Variants in ACSS3 observed in about 807,000 individuals in gnomAD.
ACSS3 encodes acyl-CoA synthetase short chain family member 3.
ACSS3 carries 64 observed loss-of-function variants against 84.2 expected under a neutral mutation model. That is an observed-to-expected ratio of 0.76 (90% CI 0.62 to 0.94). The LOEUF (loss-of-function observed/expected upper bound fraction) is 0.94. Among genes scored for constraint, ACSS3 ranks in the 40% least tolerant of loss-of-function variants. The pLI, the probability that ACSS3 is intolerant of heterozygous loss-of-function variation, is 0.00. For synonymous variants in ACSS3, 317 were observed against 310.1 expected (o/e 1.02, Z -0.23); for missense variants, 815 against 867.6 (o/e 0.94, Z 0.76).
At chr12:81,234,993 A>AT (rs1211640763) in intron 13 of ACSS3, among the ~76,000 whole-genome samples, 3 of 150,996 alleles carry the variant, frequency 2.0e-5, no homozygotes, top group Non-Finnish European at 4.4e-5. Context: ...CATCACAAAG[A>AT]TTTTCTCTTT....
chr12:81,086,547 C>T (rs1302007025), intron 1 of ACSS3, among the ~76,000 whole-genome samples: 1 of 152,120 alleles, frequency 6.6e-6, no homozygotes. Context: ...ATGGCGCAAT[C>T]AATGAACAAT....
chr12:81,118,291 A>T (rs1565985275), intron 2 of ACSS3, among the ~76,000 whole-genome samples: 1 of 152,174 alleles, frequency 6.6e-6, no homozygotes, highest in African/African-American at 2.4e-5. Context: ...TAATCTAAAG[A>T]TTATGAGGTT....
At chr12:81,213,793 T>TTCTC (rs1555181605) in intron 9 of ACSS3, among the ~76,000 whole-genome samples, 1 of 30,818 alleles carries the variant, frequency 3.2e-5, no homozygotes, top group Non-Finnish European at 6.9e-5. Context: ...TCTCTTCTCT[T>TTCTC]TTCTCTTCTC....
At chr12:81,162,496 G>T (rs918424410) in intron 7 of ACSS3, among the ~76,000 whole-genome samples, 10 of 152,164 alleles carry the variant, frequency 6.6e-5, no homozygotes, top group Non-Finnish European at 1.2e-4. Context: ...GAAAGTGCAT[G>T]CTGATTGGCC....
chr12:81,091,388 C>T (rs1881659770), intron 1 of ACSS3, among the ~76,000 whole-genome samples: 1 of 151,830 alleles, frequency 6.6e-6, no homozygotes, highest in Admixed American at 6.6e-5. Context: ...AAAAGCCTAT[C>T]TTGATCTGTT....
intron 7 of ACSS3, among the ~76,000 whole-genome samples, chr12:81,156,056 A>G (rs1886847088): frequency 6.6e-6 from 1 of 152,174 alleles, no homozygotes; most frequent in Non-Finnish European, 1.5e-5. Context: ...TGCAAAGTCT[A>G]TTTTAAGACC....
chr12:81,106,474 A>G (rs938473291), intron 1 of ACSS3, among the ~76,000 whole-genome samples: 1 of 152,192 alleles, frequency 6.6e-6, no homozygotes, highest in African/African-American at 2.4e-5. Context: ...TAATAATAAT[A>G]AAAATAAAGT....
chr12:81,155,607 C>T (rs921115873), intron 7 of ACSS3, among the ~76,000 whole-genome samples: 3 of 152,216 alleles, frequency 2.0e-5, no homozygotes, highest in Admixed American at 6.5e-5. Flanking sequence ...TTCCTTGCAT[C>T]TCACACTCTG....
At chr12:81,082,120 G>A (rs779354796) in intron 1 of ACSS3, among the ~76,000 whole-genome samples, 2 of 152,236 alleles carry the variant, frequency 1.3e-5, no homozygotes, top group South Asian at 2.1e-4. Flanking sequence ...TTGTTATATG[G>A]ACATATTGTG....
intron 11 of ACSS3, among the ~76,000 whole-genome samples, chr12:81,230,246 A>G (rs567571990): frequency 1.3e-5 from 2 of 151,996 alleles, no homozygotes; most frequent in East Asian, 3.9e-4. Flanking sequence ...TTCAGAAATC[A>G]ATTTGAGTGG....
At chr12:81,094,129 T>G (rs1697023462) in intron 1 of ACSS3, among the ~76,000 whole-genome samples, 1 of 150,072 alleles carries the variant, frequency 6.7e-6, no homozygotes, top group Admixed American at 6.6e-5. Flanking sequence ...ATCTTTGGGC[T>G]TGGCATTCCA....
intron 1 of ACSS3, among the ~76,000 whole-genome samples, chr12:81,082,275 T>G (rs916209908): frequency 6.6e-6 from 1 of 152,188 alleles, no homozygotes; most frequent in African/African-American, 2.4e-5. Flanking sequence ...TATCTGTATG[T>G]CTCCAGTGTT....
intron 9 of ACSS3, among the ~76,000 whole-genome samples, chr12:81,211,353 C>T (rs77804174): frequency 0.016 from 2,477 of 152,052 alleles, 38 homozygotes; most frequent in African/African-American, 0.037. Context: ...GCATGCAGTA[C>T]GTAATAATCA....
At position 81,078,104 on chromosome 12, in the gene ACSS3, G is replaced by T; in HGVS notation, c.-17G>T. ...ACCATTTGTCGCACACTCGGGGACCGCGGGTGGCCGGAGGAGATGAAACCG... is the reference window on the plus strand; with the variant it reads ...ACCATTTGTCGCACACTCGGGGACCTCGGGTGGCCGGAGGAGATGAAACCG... On this transcript the variant is annotated 5_prime_UTR_variant, in exon 1 of 16. Transcript: ENST00000548058. 6.8e-7 allele frequency: 1 copy of T among 1,461,854 alleles called. No homozygotes were observed. 90.6% of individuals were successfully genotyped at this position (1,461,854 alleles called of 1,614,324 possible).
chr12:81,173,165 C>T (rs1292024429), intron 7 of ACSS3, among the ~76,000 whole-genome samples: 28 of 152,122 alleles, frequency 1.8e-4, no homozygotes. Context: ...AAAATGTTTA[C>T]CTTGTTTGTT....
At chr12:81,237,412 T>G (rs1369523441) in intron 13 of ACSS3, among the ~76,000 whole-genome samples, 1 of 151,696 alleles carries the variant, frequency 6.6e-6, no homozygotes. Flanking sequence ...AGAGGTTTAT[T>G]TCTCCATAGT....
At chr12:81,097,568 C>G (rs1460484422) in intron 1 of ACSS3, among the ~76,000 whole-genome samples, 6 of 152,196 alleles carry the variant, frequency 3.9e-5, no homozygotes, top group Non-Finnish European at 5.9e-5. Context: ...TTTCAAAACA[C>G]TATAAATGAT....
At chr12:81,130,298 A>T (rs1593104031) in intron 2 of ACSS3, among the ~76,000 whole-genome samples, 2 of 152,078 alleles carry the variant, frequency 1.3e-5, no homozygotes, top group East Asian at 3.9e-4. Flanking sequence ...TTGTTTCCTG[A>T]CTTTTTAATG....
At chr12:81,097,262 G>A (rs1160859313) in intron 1 of ACSS3, among the ~76,000 whole-genome samples, 3 of 152,122 alleles carry the variant, frequency 2.0e-5, no homozygotes, top group Non-Finnish European at 4.4e-5. Flanking sequence ...TGGCTTTGCA[G>A]GCCAGACCAG....
Sources: gnomAD v4.1 joint callset for allele counts (sites outside exome capture counted in the v4.1 genomes callset) on GRCh38, gnomAD v4.1.1 for gene constraint, MANE v1.5 for transcripts, NCBI Gene and HGNC (gene_info 2026-07-23, HGNC 2026-07-21) for gene names.